Variants in TRDN observed in about 807,000 individuals in gnomAD.
TRDN encodes the protein triadin in skeletal muscle.
In TRDN, 161 loss-of-function variants were observed where a neutral mutation model predicts 149.7. The observed-to-expected ratio is 1.08, with a 90% confidence interval of 0.95 to 1.23. The LOEUF (loss-of-function observed/expected upper bound fraction) is 1.23, where lower values mean the gene tolerates loss of function less well. TRDN is among the 50% of genes most tolerant of loss of function. TRDN has a pLI of 0.00. For missense variants in TRDN, 896 were observed against 823.5 expected (o/e 1.09, Z -1.08); for synonymous variants, 294 against 250.5 (o/e 1.17, Z -1.64).
intron 12 of TRDN, among the ~76,000 whole-genome samples, chr6:123,422,003 A>C (rs572649483): frequency 6.6e-6 from 1 of 152,118 alleles, no homozygotes. Flanking sequence ...AACAATAAAA[A>C]TAACACAACA....
At chr6:123,234,469 G>C (rs1775715269) in intron 38 of TRDN, among the ~76,000 whole-genome samples, 1 of 152,054 alleles carries the variant, frequency 6.6e-6, no homozygotes. Flanking sequence ...GAATGGTTTT[G>C]CTTTAATAAA....
chr6:123,495,949 CT>C (rs1778425791), intron 9 of TRDN, among the ~76,000 whole-genome samples: 1 of 151,020 alleles, frequency 6.6e-6, no homozygotes, highest in African/African-American at 2.4e-5. Context: ...TGTCCAAAGC[CT>C]TGTCTTTCCA....
chr6:123,410,388 CT>C, intron 12 of TRDN, among the ~76,000 whole-genome samples: 1 of 152,286 alleles, frequency 6.6e-6, no homozygotes, highest in Non-Finnish European at 1.5e-5. Flanking sequence ...TAAAATATTA[CT>C]CACTGCACTC....
At chr6:123,223,391 TG>T (rs1775223707) in intron 39 of TRDN, among the ~76,000 whole-genome samples, 1 of 151,620 alleles carries the variant, frequency 6.6e-6, no homozygotes, top group Admixed American at 6.6e-5. Context: ...CCCCATGACA[TG>T]AGTTTACCTA....
chr6:123,574,373 A>C (rs766506593), intron 1 of TRDN, among the ~76,000 whole-genome samples: 2 of 152,024 alleles, frequency 1.3e-5, no homozygotes, highest in Non-Finnish European at 2.9e-5. Context: ...GTGCTCAAGA[A>C]GGAAAATTTT....
At position 123,348,107 on chromosome 6, in the gene TRDN, A is replaced by G. The variant is rs146197048; in HGVS notation, c.1369+4432T>C. Among the ~76,000 whole-genome samples the G allele has an allele frequency of 7.6e-4, 116 of 152,158 alleles. 2 individuals are homozygous for G. The highest frequency in any genetic ancestry group is 1.9e-3 in the Admixed American group (29 of 15,238). ...CTGTATAAAAATCAAGTGAAGTAAA[A>G]CCCAGACTTTACAGGTCATAATGAT... On this transcript the variant is annotated intron_variant, in intron 21 of 40. Coordinates refer to ENST00000334268, the MANE Select transcript of TRDN (RefSeq NM_006073.4).
intron 26 of TRDN, among the ~76,000 whole-genome samples, chr6:123,277,411 G>T (rs1777407074): frequency 6.6e-6 from 1 of 152,026 alleles, no homozygotes; most frequent in Non-Finnish European, 1.5e-5. Context: ...CTCTCCAAAA[G>T]GTATGCTTAC....
At chr6:123,632,563 G>A (rs958204929) in intron 1 of TRDN, among the ~76,000 whole-genome samples, 2 of 152,000 alleles carry the variant, frequency 1.3e-5, no homozygotes, top group Non-Finnish European at 2.9e-5. Context: ...GAATAGGCTA[G>A]CTTTCTAATG....
chr6:123,347,115 TG>T (rs1420836430), intron 21 of TRDN, among the ~76,000 whole-genome samples: 1 of 152,048 alleles, frequency 6.6e-6, no homozygotes, highest in African/African-American at 2.4e-5. Flanking sequence ...AAAAGGAACT[TG>T]TGTTACCCTC....
chr6:123,504,756 C>T (rs1029287436), intron 7 of TRDN, among the ~76,000 whole-genome samples: 5 of 152,122 alleles, frequency 3.3e-5, no homozygotes, highest in Admixed American at 3.3e-4. Context: ...ATCATTCAAG[C>T]ATCTTTTAAA....
At chr6:123,519,476 T>A in intron 5 of TRDN, among the ~76,000 whole-genome samples, 1 of 56,204 alleles carries the variant, frequency 1.8e-5, no homozygotes, top group Non-Finnish European at 5.6e-5. Context: ...CCCTGTGGTT[T>A]TTTTTTTTTT....
intron 10 of TRDN, among the ~76,000 whole-genome samples, chr6:123,455,446 G>GTGTGTA (rs1392022962): frequency 9.4e-4 from 142 of 151,822 alleles, no homozygotes; most frequent in African/African-American, 3.3e-3. Flanking sequence ...GTGTCTGTGT[G>GTGTGTA]TGTTAGAGAA....
intron 33 of TRDN, among the ~76,000 whole-genome samples, chr6:123,261,225 AT>A (rs1308068114): frequency 6.7e-6 from 1 of 149,394 alleles, no homozygotes; most frequent in Admixed American, 6.6e-5. Context: ...AATCTGTTAC[AT>A]TTTTAATCTT....
intron 9 of TRDN, among the ~76,000 whole-genome samples, chr6:123,472,217 G>T (rs972672568): frequency 1.3e-5 from 2 of 152,188 alleles, no homozygotes; most frequent in Non-Finnish European, 2.9e-5. Flanking sequence ...CAGGTCAGTG[G>T]GTGCGCGCAC....
chr6:123,304,668 C>A (rs1771542310), intron 24 of TRDN, among the ~76,000 whole-genome samples: 1 of 151,948 alleles, frequency 6.6e-6, no homozygotes, highest in Non-Finnish European at 1.5e-5. Context: ...GATTGTCTGA[C>A]AAAAAACTGT....
At chr6:123,292,867 C>T (rs1778059880) in intron 24 of TRDN, among the ~76,000 whole-genome samples, 1 of 152,124 alleles carries the variant, frequency 6.6e-6, no homozygotes. Flanking sequence ...ATGGGAGCTA[C>T]AGTTTTTCTC....
At chr6:123,349,322 T>C in intron 21 of TRDN, among the ~76,000 whole-genome samples, 1 of 152,116 alleles carries the variant, frequency 6.6e-6, no homozygotes. Context: ...CTCGTTTTCA[T>C]GCATTGCCTT....
chr6:123,559,216 C>T (rs1356653539), intron 2 of TRDN, among the ~76,000 whole-genome samples: 1 of 152,186 alleles, frequency 6.6e-6, no homozygotes. Flanking sequence ...GAAAGCCACC[C>T]ACTCCACATT....
chr6:123,534,549 T>C (rs531306916), intron 4 of TRDN, among the ~76,000 whole-genome samples: 1 of 152,150 alleles, frequency 6.6e-6, no homozygotes, highest in East Asian at 1.9e-4. Context: ...GTTACTAATT[T>C]AGACTTTGGA....
Sources: allele counts gnomAD v4.1 joint callset (sites outside exome capture counted in the v4.1 genomes callset), GRCh38; gene constraint gnomAD v4.1.1; transcripts MANE v1.5; gene names NCBI Gene and HGNC (gene_info 2026-07-23, HGNC 2026-07-21).